The following AMD1 variants were observed in gnomAD, a reference collection of about 807,000 sequenced individuals.
AMD1 encodes adenosylmethionine decarboxylase 1.
A neutral mutation model predicts 40.2 loss-of-function variants in AMD1; 11 were observed. The observed-to-expected ratio is 0.27, with a 90% CI of 0.17 to 0.45. The LOEUF is 0.45. AMD1 is among the 20% of genes least tolerant of loss of function. The pLI, the probability that AMD1 is intolerant of heterozygous loss-of-function variation, is 1.00. For missense variants in AMD1, 257 were observed against 410.2 expected (o/e 0.63, Z 3.23); for synonymous variants, 121 against 130.8 (o/e 0.93, Z 0.51).
the AMD1 span, among the ~76,000 whole-genome samples, chr6:110,846,945 A>G: frequency 6.6e-6 from 1 of 151,894 alleles, no homozygotes; most frequent in Admixed American, 6.6e-5. Context: ...AGGTCCTTAC[A>G]TTTTTCACTT....
chr6:110,862,888 T>A, the AMD1 span, among the ~76,000 whole-genome samples: 1 of 152,212 alleles, frequency 6.6e-6, no homozygotes, highest in Non-Finnish European at 1.5e-5. Context: ...CTTGTGGACT[T>A]GTGGTCCTCA....
chr6:110,847,659 A>C, the AMD1 span, among the ~76,000 whole-genome samples: 1 of 151,914 alleles, frequency 6.6e-6, no homozygotes, highest in Non-Finnish European at 1.5e-5. Context: ...GTAGATGCTT[A>C]TCCTATCTAC....
At chr6:110,871,433 CAGAG>C (rs1413717727), upstream of AMD1, among the ~76,000 whole-genome samples, 32 of 152,240 alleles carry the variant, frequency 2.1e-4, no homozygotes, top group African/African-American at 7.7e-4. Context: ...GAAATGAAGA[CAGAG>C]AGAACAAATT....
chr6:110,887,867 G>A (rs1257661226), intron 2 of AMD1, among the ~76,000 whole-genome samples: 1 of 152,056 alleles, frequency 6.6e-6, no homozygotes, highest in African/African-American at 2.4e-5. Context: ...TGTATTTTTA[G>A]TAGAGACGGG....
the AMD1 span, among the ~76,000 whole-genome samples, chr6:110,848,918 AGAGGATT>A: frequency 0.01 from 1,530 of 152,306 alleles, 28 homozygotes; most frequent in African/African-American, 0.035. Flanking sequence ...GGCTAAGGCA[AGAGGATT>A]GAGCCAGGAG....
chr6:110,855,053 TTCTC>T, the AMD1 span, among the ~76,000 whole-genome samples: 1 of 148,574 alleles, frequency 6.7e-6, no homozygotes, highest in Non-Finnish European at 1.5e-5. Flanking sequence ...TGGCTTAAAG[TTCTC>T]TCTCTCTCTT....
At chr6:110,829,022 T>C in the AMD1 span, among the ~76,000 whole-genome samples, 2 of 152,006 alleles carry the variant, frequency 1.3e-5, no homozygotes, top group East Asian at 3.9e-4. Context: ...ATACAAAAAT[T>C]AGCCAGGCAT....
At chr6:110,878,699 T>C (rs922714808) in intron 1 of AMD1, among the ~76,000 whole-genome samples, 3 of 152,206 alleles carry the variant, frequency 2.0e-5, no homozygotes, top group Admixed American at 6.5e-5. Context: ...TTATAAGACA[T>C]GGCAGCTTTA....
chr6:110,818,470 A>G, the AMD1 span, among the ~76,000 whole-genome samples: 1 of 152,192 alleles, frequency 6.6e-6, no homozygotes, highest in Non-Finnish European at 1.5e-5. Context: ...CAAGCATTTC[A>G]GGAGATGAAT....
the AMD1 span, among the ~76,000 whole-genome samples, chr6:110,843,595 T>C: frequency 3.9e-5 from 6 of 152,156 alleles, no homozygotes. Context: ...TATTTATTTA[T>C]TCATTTATTT....
chr6:110,860,166 C>T, the AMD1 span, among the ~76,000 whole-genome samples: 1 of 152,032 alleles, frequency 6.6e-6, no homozygotes, highest in East Asian at 1.9e-4. Context: ...CTCCTTCTCC[C>T]CTTCTGGGCC....
chr6:110,830,799 C>T, the AMD1 span, among the ~76,000 whole-genome samples: 11 of 152,166 alleles, frequency 7.2e-5, no homozygotes, highest in South Asian at 8.3e-4. Flanking sequence ...ATCTGCTCTG[C>T]GTCATCAATG....
rs201633158 is a variant in AMD1 at position 110,874,975 on chromosome 6, C to CA, written c.-120dup. 10,419 of 511,624 alleles carry CA rather than the reference C, an allele frequency of 0.02. 1 individual carries two copies. The highest frequency in any genetic ancestry group is 0.026 in the Middle Eastern group (46 of 1,792). The allele number at this position is 511,624 out of a possible 1,614,324, so 31.7% of individuals were successfully genotyped here. The stretch of plus-strand genomic sequence containing the variant: ...AAAAAAAGTTAATATAAAATTATAG[C>CA]AAAAAAAAAAAGGAACCTGAACTTT... On this transcript the variant is annotated 5_prime_UTR_variant, in exon 1 of 9. Transcript: ENST00000368885.
At chr6:110,861,123 C>T in the AMD1 span, among the ~76,000 whole-genome samples, 37 of 152,132 alleles carry the variant, frequency 2.4e-4, 1 homozygote, top group South Asian at 7.2e-3. Context: ...CTTTGGGAGG[C>T]CAAGGTGGGC....
chr6:110,864,652 C>A, the AMD1 span, among the ~76,000 whole-genome samples: 5 of 152,242 alleles, frequency 3.3e-5, no homozygotes, highest in South Asian at 4.1e-4. Context: ...GGGTCGGACC[C>A]CAACAATAGT....
the AMD1 span, among the ~76,000 whole-genome samples, chr6:110,821,126 G>A: frequency 2.0e-5 from 3 of 152,166 alleles, no homozygotes; most frequent in African/African-American, 7.2e-5. Flanking sequence ...ATGTAGATAA[G>A]AGAACTTCAG....
At chr6:110,843,964 C>A in the AMD1 span, among the ~76,000 whole-genome samples, 1 of 152,160 alleles carries the variant, frequency 6.6e-6, no homozygotes, top group Admixed American at 6.6e-5. Flanking sequence ...CTAAAATCAG[C>A]TGATTAGCAT....
the AMD1 span, among the ~76,000 whole-genome samples, chr6:110,824,005 A>G: frequency 6.6e-6 from 1 of 152,346 alleles, no homozygotes; most frequent in Admixed American, 6.5e-5. Context: ...GGAAAACAGT[A>G]TGGAGAATTC....
At chr6:110,816,449 A>T in the AMD1 span, among the ~76,000 whole-genome samples, 1 of 152,220 alleles carries the variant, frequency 6.6e-6, no homozygotes, top group African/African-American at 2.4e-5. Flanking sequence ...CCACCCCAAA[A>T]TACGCCACTC....
Sources: allele counts gnomAD v4.1 joint callset (sites outside exome capture counted in the v4.1 genomes callset), GRCh38; gene constraint gnomAD v4.1.1; transcripts MANE v1.5; gene names NCBI Gene and HGNC (gene_info 2026-07-23, HGNC 2026-07-21).